The following MCTP1 variants were observed in gnomAD, a reference collection of about 807,000 sequenced individuals.
MCTP1 encodes multiple C2 and transmembrane domain containing 1.
A neutral mutation model predicts 120.6 loss-of-function variants in MCTP1; 69 were observed. The ratio of observed to expected loss-of-function variants is 0.57; its 90% CI spans 0.47 to 0.70. MCTP1 has a LOEUF of 0.70. Among genes scored for constraint, MCTP1 ranks in the 30% least tolerant of loss-of-function variants. MCTP1 has a pLI of 0.00. For missense variants in MCTP1, 1,203 were observed against 1,248.8 expected (o/e 0.96, Z 0.55); for synonymous variants, 529 against 493.1 (o/e 1.07, Z -0.96).
intron 1 of MCTP1, among the ~76,000 whole-genome samples, chr5:95,163,984 T>G (rs896215555): frequency 6.6e-6 from 1 of 152,212 alleles, no homozygotes; most frequent in African/African-American, 2.4e-5. Flanking sequence ...GCCAATCAAC[T>G]TTTATTTTCT....
chr5:94,855,719 A>G (rs1794603219), intron 17 of MCTP1, among the ~76,000 whole-genome samples: 1 of 151,778 alleles, frequency 6.6e-6, no homozygotes, highest in Non-Finnish European at 1.5e-5. Flanking sequence ...ATCTATGTGA[A>G]CAAAACCATG....
At chr5:95,158,331 T>C (rs1745347072) in intron 1 of MCTP1, among the ~76,000 whole-genome samples, 1 of 152,178 alleles carries the variant, frequency 6.6e-6, no homozygotes, top group Non-Finnish European at 1.5e-5. Flanking sequence ...CTATAGGCCT[T>C]TGTGCATTGC....
At chr5:95,266,997 CTT>C (rs1472372454) in intron 1 of MCTP1, among the ~76,000 whole-genome samples, 1 of 152,158 alleles carries the variant, frequency 6.6e-6, no homozygotes, top group Non-Finnish European at 1.5e-5. Flanking sequence ...CTTTAACACA[CTT>C]TAACTTTTCC....
At chr5:94,992,931 A>C (rs563934242) in intron 2 of MCTP1, among the ~76,000 whole-genome samples, 45 of 152,222 alleles carry the variant, frequency 3.0e-4, no homozygotes, top group Non-Finnish European at 5.7e-4. Flanking sequence ...TGCTAATAAA[A>C]TATCATTTAA....
chr5:95,248,435 T>A (rs1378450698), intron 1 of MCTP1, among the ~76,000 whole-genome samples: 1 of 152,028 alleles, frequency 6.6e-6, no homozygotes, highest in Admixed American at 6.6e-5. Context: ...ACAAAGAGAA[T>A]AAAATACCTA....
At chr5:95,180,033 A>T (rs565121594) in intron 1 of MCTP1, among the ~76,000 whole-genome samples, 10 of 152,364 alleles carry the variant, frequency 6.6e-5, no homozygotes, top group East Asian at 1.9e-4. Flanking sequence ...AAGCAACAGC[A>T]GTTAAGAAAG....
Position 94,940,109 on chromosome 5 carries a change from G to C in MCTP1, c.1148C>G (p.Pro383Arg), listed in dbSNP as rs2153502176. Reference sequence around the variant, plus strand: ...CACATCCCTGGACTCTCCTTCTTTAGGGGTAAGGATGACTGAGAGCAAAAT... The same window carrying C: ...CACATCCCTGGACTCTCCTTCTTTACGGGTAAGGATGACTGAGAGCAAAAT... Reference protein sequence around the residue: ...GIILLSVILTPKEGESRDVTM... With the variant: ...GIILLSVILTRKEGESRDVTM... The change falls in exon 5 of 23, where the codon CCT becomes CGT. Residue 383 changes from proline to arginine, a missense_variant. Physicochemically the swap from Pro to Arg is moderately radical, Grantham distance 103. This residue lies in a region of MCTP1 where 740 missense variants were observed against 871.1 expected (regional missense o/e 0.85). Transcript: ENST00000515393. 1.2e-6 allele frequency: 2 copies of C among 1,606,572 alleles called. No individual in the cohort carries two copies. The highest frequency in any genetic ancestry group is 4.5e-5 in the East Asian group (2 of 44,750).
chr5:95,029,755 TGGTGGCC>T (rs1324544607), intron 1 of MCTP1, among the ~76,000 whole-genome samples: 1 of 152,168 alleles, frequency 6.6e-6, no homozygotes, highest in African/African-American at 2.4e-5. Context: ...ACAGAGAACT[TGGTGGCC>T]GGTTTGCACG....
At chr5:95,001,863 T>TG (rs1041876133) in intron 2 of MCTP1, among the ~76,000 whole-genome samples, 5 of 151,926 alleles carry the variant, frequency 3.3e-5, no homozygotes, top group Non-Finnish European at 7.4e-5. Flanking sequence ...ACGAAGACAA[T>TG]GGGGAAATGT....
chr5:94,883,474 A>G (rs774855169), intron 12 of MCTP1, among the ~76,000 whole-genome samples: 4 of 152,184 alleles, frequency 2.6e-5, no homozygotes, highest in Admixed American at 6.5e-5. Flanking sequence ...AGATGTTAAG[A>G]TAGTAAAGTT....
At position 94,708,553 on chromosome 5, in the gene MCTP1, G is replaced by A; in HGVS notation, c.2887C>T (p.Leu963=). ...RSPYAIDNNE[L]LDFLSRVPSD... Reference sequence around the variant, plus strand: ...GGGACTCTGGAAAGGAAGTCAAGTAGTTCATTGTTATCAATTGCATATGGA... The same window carrying A: ...GGGACTCTGGAAAGGAAGTCAAGTAATTCATTGTTATCAATTGCATATGGA... The change falls in exon 22 of 23, where the codon CTA becomes TTA. Residue 963 remains leucine (L), a synonymous_variant. Transcript: ENST00000515393. The A allele has an allele frequency of 6.2e-7, 1 of 1,611,260 alleles. No individual in the cohort carries two copies. The highest frequency in any genetic ancestry group is 8.5e-7 in the Non-Finnish European group (1 of 1,177,998).
chr5:94,740,719 C>A (rs1580409580), intron 19 of MCTP1, among the ~76,000 whole-genome samples: 2 of 152,280 alleles, frequency 1.3e-5, no homozygotes, highest in South Asian at 2.1e-4. Context: ...TTCCGAGTGC[C>A]AACTGTGTGC....
intron 1 of MCTP1, among the ~76,000 whole-genome samples, chr5:95,153,315 T>G (rs1490106657): frequency 1.3e-5 from 2 of 152,222 alleles, no homozygotes. Flanking sequence ...TCCTGAGGCC[T>G]CCCCAGCTAT....
intron 10 of MCTP1, among the ~76,000 whole-genome samples, chr5:94,895,881 G>A (rs1171792893): frequency 1.3e-5 from 2 of 152,302 alleles, no homozygotes; most frequent in African/African-American, 4.8e-5. Context: ...ACACGAATGG[G>A]AGGAAGAGGA....
chr5:95,037,017 G>A (rs1248090083), intron 1 of MCTP1, among the ~76,000 whole-genome samples: 2 of 152,172 alleles, frequency 1.3e-5, no homozygotes, highest in Admixed American at 6.5e-5. Flanking sequence ...TGCCTTCAAA[G>A]ACTATCATAG....
chr5:94,758,849 T>A (rs1334644295), intron 19 of MCTP1, among the ~76,000 whole-genome samples: 1 of 152,164 alleles, frequency 6.6e-6, no homozygotes, highest in African/African-American at 2.4e-5. Context: ...CAAACATGAC[T>A]TGTAGAATAG....
chr5:94,738,847 T>TC (rs1297378846), intron 19 of MCTP1, among the ~76,000 whole-genome samples: 2 of 152,210 alleles, frequency 1.3e-5, no homozygotes, highest in Admixed American at 6.5e-5. Context: ...ACACAAAGCT[T>TC]CCTAAATACT....
At chr5:95,012,179 T>C (rs1836128788) in intron 2 of MCTP1, among the ~76,000 whole-genome samples, 1 of 152,136 alleles carries the variant, frequency 6.6e-6, no homozygotes, top group South Asian at 2.1e-4. Context: ...GTATATATAT[T>C]AATAAAAATC....
Position 95,284,481 on chromosome 5 carries a change from A to G in MCTP1, c.95T>C (p.Val32Ala). Residue 32 changes from valine (V) to alanine (A), a missense_variant, in exon 1 of 23, where the codon GTG becomes GCG. Physicochemically the swap from Val to Ala is moderately conservative, Grantham distance 64. This residue lies in a region of MCTP1 where 463 missense variants were observed against 377.8 expected (regional missense o/e 1.23). Transcript: ENST00000515393. The surrounding 1 kb of genome is among the most constrained non-coding windows in gnomAD (Gnocchi z 5.2). The stretch of plus-strand genomic sequence containing the variant: ...GCCCCCGCCGCCCTTGCTCCTGCCC[A>G]CCCCCAGCTGCAGGTTCTTCCAGAG... ...ARLWKNLQLG[V>A]GRSKGGGGGR... 2 of 1,250,224 alleles carry G rather than the reference A, an allele frequency of 1.6e-6. No homozygotes were observed. Among genetic ancestry groups the G allele is most frequent in the Non-Finnish European group, 2.2e-6 (2 of 912,574 alleles). The allele number at this position is 1,250,224 out of a possible 1,614,324, so 77.4% of individuals were successfully genotyped here.
Sources: gnomAD v4.1 joint callset for allele counts (sites outside exome capture counted in the v4.1 genomes callset) on GRCh38, gnomAD v4.1.1 for gene constraint, gnomAD v4.1.1 regional missense constraint, Gnocchi (gnomAD v3.1) non-coding constraint, MANE v1.5 for transcripts, NCBI Gene and HGNC (gene_info 2026-07-23, HGNC 2026-07-21) for gene names.